Variants in MALSU1 observed in about 807,000 individuals in gnomAD.
MALSU1 encodes mitochondrial assembly of ribosomal large subunit protein 1.
MALSU1 carries 22 observed loss-of-function variants against 22.1 expected under a neutral mutation model. The observed-to-expected ratio is 1.00, with a 90% confidence interval of 0.71 to 1.42. The LOEUF is 1.42. Among genes scored for constraint, MALSU1 ranks in the 40% most tolerant of loss-of-function variants. The probability of loss-of-function intolerance (pLI) is 0.00; values close to 1 mark genes in which losing one functional copy is unlikely to be tolerated. For synonymous variants in MALSU1, 153 were observed against 118.5 expected (o/e 1.29, Z -1.89); for missense variants, 379 against 308.3 (o/e 1.23, Z -1.72).
intron 2 of MALSU1, among the ~76,000 whole-genome samples, chr7:23,302,442 G>A (rs1783660690): frequency 6.6e-6 from 1 of 152,108 alleles, no homozygotes; most frequent in African/African-American, 2.4e-5. Context: ...TAAAAAGGTG[G>A]GGCCTATACA....
At chr7:23,299,887 C>T (rs993135901) in intron 1 of MALSU1, among the ~76,000 whole-genome samples, 3 of 152,142 alleles carry the variant, frequency 2.0e-5, no homozygotes, top group African/African-American at 4.8e-5. Context: ...CTTCCTTTTA[C>T]CCTCTTCCTA....
Position 23,299,365 on chromosome 7 carries a change from G to T in MALSU1, c.13G>T (p.Gly5Cys). 6.3e-7 allele frequency: 1 copy of T among 1,578,514 alleles called. No individual in the cohort carries two copies. The part of the protein sequence containing the change: MGPG[G>C]RVARLLAPLM... ...CAAGGCTGCTGCTATGGGGCCGGGC[G>T]GCCGTGTGGCGCGGCTGCTCGCCCC... Residue 5 changes from glycine (G) to cysteine (C), a missense_variant, in exon 1 of 4, where the codon GGC becomes TGC. Transcript: ENST00000466681.
At chr7:23,307,505 A>T (rs1326413603) in intron 2 of MALSU1, among the ~76,000 whole-genome samples, 1 of 152,232 alleles carries the variant, frequency 6.6e-6, no homozygotes, top group Non-Finnish European at 1.5e-5. Context: ...TATAAACAGA[A>T]GGTAGTATCT....
chr7:23,304,876 T>C (rs1486124453), intron 2 of MALSU1, among the ~76,000 whole-genome samples: 2 of 146,266 alleles, frequency 1.4e-5, no homozygotes, highest in South Asian at 4.2e-4. Context: ...TCTGCCATTC[T>C]GTGGGTTGCC....
rs201962036 is a variant in MALSU1, at chr7:23,300,993, C to G, written c.411C>G (p.Ala137=). 1.8e-4 allele frequency: 290 copies of G among 1,613,748 alleles called. No individual in the cohort carries two copies. The highest frequency in any genetic ancestry group is 2.4e-4 in the Non-Finnish European group (281 of 1,179,886). Reference sequence around the variant, plus strand: ...GAACTTCTACCCGACACTTACATGCCATGGCCTTCTACGTTGTGAAAATGG... The same window carrying G: ...GAACTTCTACCCGACACTTACATGCGATGGCCTTCTACGTTGTGAAAATGG... ...VSGTSTRHLH[A]MAFYVVKMYK... Residue 137 remains alanine, a synonymous_variant, in exon 2 of 4, where the codon GCC becomes GCG. Transcript: ENST00000466681.
chr7:23,300,063 T>C (rs1028204752), intron 1 of MALSU1, among the ~76,000 whole-genome samples: 1 of 152,118 alleles, frequency 6.6e-6, no homozygotes, highest in Admixed American at 6.5e-5. Flanking sequence ...GGTAAACAGA[T>C]CACATCTAAG....
In MALSU1 at chr7:23,310,902, C is replaced by T. The variant is rs1783808358; in HGVS notation, c.*1359C>T. 1 of 152,028 alleles carries T rather than the reference C, an allele frequency of 6.6e-6. No individual in the cohort carries two copies. Among genetic ancestry groups the T allele is most frequent in the Admixed American group, 6.6e-5 (1 of 15,258 alleles). The allele number at this position is 152,028 out of a possible 1,614,324, so 9.4% of individuals were successfully genotyped here. On this transcript the variant is annotated 3_prime_UTR_variant, in exon 4 of 4. Coordinates refer to ENST00000466681, the MANE Select transcript of MALSU1 (RefSeq NM_138446.2). ...TCAGAGAGCAGCGTGGCCTTGGAGA[C>T]CACCCACACCCAACACAATTGTACG...
Position 23,309,567 on chromosome 7 carries a change from CA to C in MALSU1, c.*25del. On this transcript the variant is annotated 3_prime_UTR_variant, in exon 4 of 4. Coordinates refer to ENST00000466681, the MANE Select transcript of MALSU1 (RefSeq NM_138446.2). Reference sequence around the variant, plus strand: ...AAAATATTTTATGCACTGCGTTAGTCATTTCAGATTTGGATTGAGTCACTTA... The same window carrying C: ...AAAATATTTTATGCACTGCGTTAGTCTTTCAGATTTGGATTGAGTCACTTA... 1 of 1,548,912 alleles carries C rather than the reference CA, an allele frequency of 6.5e-7. No individual in the cohort carries two copies. The highest frequency in any genetic ancestry group is 8.7e-7 in the Non-Finnish European group (1 of 1,148,190).
Position 23,303,152 on chromosome 7 carries a change from T to C in MALSU1, c.435+2135T>C, listed in dbSNP as rs183811112. On this transcript the variant is annotated intron_variant, in intron 2 of 3. Coordinates refer to ENST00000466681, the MANE Select transcript of MALSU1 (RefSeq NM_138446.2). ...TACCACCATCCGTCTCCAGAAATTT[T>C]TTCATTTTGCAAAAACGAAACTCTG... 1.1e-3 allele frequency among the ~76,000 whole-genome samples: 168 copies of C among 152,350 alleles called. 1 individual carries two copies. Among genetic ancestry groups the C allele is most frequent in the Admixed American group, 2.8e-3 (43 of 15,308 alleles).
chr7:23,306,208 TA>T (rs369635508), intron 2 of MALSU1, among the ~76,000 whole-genome samples: 208 of 144,988 alleles, frequency 1.4e-3, no homozygotes, highest in South Asian at 9.5e-3. Flanking sequence ...ACGTCTCAAT[TA>T]AAAAAAAAAA....
At position 23,309,406 on chromosome 7, in the gene MALSU1, T is replaced by A; in HGVS notation, c.568T>A (p.Leu190Ile). Residue 190 changes from leucine (L) to isoleucine (I), a missense_variant, in exon 4 of 4, where the codon TTA becomes ATA. Coordinates refer to ENST00000466681, the MANE Select transcript of MALSU1 (RefSeq NM_138446.2). ...TCCAGAAACCAGAGAAATCTATGAA[T>A]TAGAGAAATTATGGACCCTACGTTC... ...MLPETREIYE[L>I]EKLWTLRSYD... The A allele has an allele frequency of 6.2e-7, 1 of 1,613,454 alleles. No homozygotes were observed. Among genetic ancestry groups the A allele is most frequent in the South Asian group, 1.1e-5 (1 of 91,002 alleles).
At chr7:23,301,510 C>T (rs1043612831) in intron 2 of MALSU1, among the ~76,000 whole-genome samples, 3 of 152,158 alleles carry the variant, frequency 2.0e-5, no homozygotes, top group Admixed American at 1.3e-4. Context: ...CCGCCTGCCT[C>T]AGCCTCCTAA....
At chr7:23,303,555 G>C (rs1783676224) in intron 2 of MALSU1, among the ~76,000 whole-genome samples, 2 of 152,144 alleles carry the variant, frequency 1.3e-5, no homozygotes, top group South Asian at 4.1e-4. Flanking sequence ...CCAGCATTTT[G>C]AGAGGCCAAG....
intron 2 of MALSU1, 142 bp downstream of exon 2, chr7:23,301,159 C>T: frequency 1.5e-6 from 1 of 678,674 alleles, no homozygotes; most frequent in East Asian, 2.6e-5. Context: ...TGCATGAATT[C>T]ATTTTATGTT....
chr7:23,299,533 C>T lies in MALSU1; in HGVS notation c.181C>T (p.Leu61=), dbSNP rs1194622985. ...ACQTPNFVRG[L]HSEPGLEERA... is the part of the protein sequence containing the mutation. ...CCAGACCCCAAACTTTGTCCGCGGC[C>T]TGCACAGCGAGCCTGGGCTGGAGGA... The change falls in exon 1 of 4, where the codon CTG becomes TTG. Residue 61 remains leucine (L), a synonymous_variant. Transcript: ENST00000466681. 9 of 1,612,678 alleles carry T rather than the reference C, an allele frequency of 5.6e-6. No homozygotes were observed. Among genetic ancestry groups the T allele is most frequent in the Non-Finnish European group, 7.6e-6 (9 of 1,179,724 alleles).
chr7:23,309,247 C>T, intron 3 of MALSU1, 109 bp from the exon 4 acceptor site: 1 of 1,014,428 alleles, frequency 9.9e-7, no homozygotes, highest in Non-Finnish European at 1.4e-6. Flanking sequence ...CTGGGAACCA[C>T]ACTTGAGAAC....
At chr7:23,306,104 G>A (rs1034712563) in intron 2 of MALSU1, among the ~76,000 whole-genome samples, 1 of 152,184 alleles carries the variant, frequency 6.6e-6, no homozygotes, top group Admixed American at 6.5e-5. Flanking sequence ...TGAGGCAGGA[G>A]AATCGCTTGA....
chr7:23,303,254 C>T (rs1192862365), intron 2 of MALSU1, among the ~76,000 whole-genome samples: 1 of 152,228 alleles, frequency 6.6e-6, no homozygotes, highest in Non-Finnish European at 1.5e-5. Flanking sequence ...ATGAATTTGA[C>T]TACTTTTCAG....
At position 23,307,770 on chromosome 7, in the gene MALSU1, TAAAA is replaced by T. The variant is rs372811002; in HGVS notation, c.436-93_436-90del. ...GCAATGAGAAATGAGTAAGAAAGAT[TAAAA>T]AAAACAAACAAACAAACAAAAAAAA... On this transcript the variant is annotated intron_variant, in intron 2 of 3. Coordinates refer to ENST00000466681, the MANE Select transcript of MALSU1 (RefSeq NM_138446.2). 196 of 754,588 alleles carry T rather than the reference TAAAA, an allele frequency of 2.6e-4. No homozygotes were observed. The African/African-American group carries it at 3.3e-3, about 13-fold the overall frequency. The allele number at this position is 754,588 out of a possible 1,614,324, so 46.7% of individuals were successfully genotyped here. A position where few individuals can be genotyped will look rare whatever the true frequency, so the allele number is the denominator to read the frequency against.
Sources: gnomAD v4.1 joint callset for allele counts (sites outside exome capture counted in the v4.1 genomes callset) on GRCh38, gnomAD v4.1.1 for gene constraint, MANE v1.5 for transcripts, NCBI Gene and HGNC (gene_info 2026-07-23, HGNC 2026-07-21) for gene names.